Variants in FGGY observed in about 807,000 individuals in gnomAD.
The protein encoded by FGGY is FGGY carbohydrate kinase domain-containing protein.
FGGY carries 72 observed loss-of-function variants against 71.3 expected under a neutral mutation model. That is an observed-to-expected ratio of 1.01 (90% CI 0.84 to 1.23). FGGY has a LOEUF of 1.23. Ranked by LOEUF, FGGY falls within the 50% of genes most tolerant of loss-of-function variation. The pLI, the probability that FGGY is intolerant of heterozygous loss-of-function variation, is 0.00. For missense variants in FGGY, 668 were observed against 682.3 expected (o/e 0.98, Z 0.23); for synonymous variants, 251 against 250.3 (o/e 1.00, Z -0.02).
intron 14 of FGGY, among the ~76,000 whole-genome samples, chr1:59,706,008 T>G (rs1004197648): frequency 6.6e-6 from 1 of 152,146 alleles, no homozygotes; most frequent in Admixed American, 6.5e-5. Flanking sequence ...ACACCATTGC[T>G]CAATGCTGGA....
At chr1:59,476,437 A>G (rs1032744733) in intron 6 of FGGY, among the ~76,000 whole-genome samples, 4 of 152,232 alleles carry the variant, frequency 2.6e-5, no homozygotes, top group Non-Finnish European at 4.4e-5. Context: ...AATCAGAGAC[A>G]GGTCTGCTCC....
chr1:59,361,095 A>G (rs1255278439), intron 4 of FGGY, among the ~76,000 whole-genome samples: 2 of 152,222 alleles, frequency 1.3e-5, no homozygotes, highest in Non-Finnish European at 2.9e-5. Context: ...GTCCTTCACA[A>G]ATTTCTCAGA....
In FGGY at chr1:59,321,522, C is replaced by T; in HGVS notation, c.-14-14C>T. Reference sequence around the variant, plus strand: ...ACTTGGTCTTCATATGGTTTTTACACTTGCTTACTATAGGTGGAGGAACTG... The same window carrying T: ...ACTTGGTCTTCATATGGTTTTTACATTTGCTTACTATAGGTGGAGGAACTG... On this transcript the variant is annotated splice_polypyrimidine_tract_variant and intron_variant, in intron 1 of 15. Coordinates refer to ENST00000303721, the MANE Select transcript of FGGY (RefSeq NM_018291.5). 4 of 1,610,304 alleles carry T rather than the reference C, an allele frequency of 2.5e-6. No homozygotes were observed. Among genetic ancestry groups the T allele is most frequent in the Non-Finnish European group, 3.4e-6 (4 of 1,177,594 alleles).
intron 10 of FGGY, among the ~76,000 whole-genome samples, chr1:59,627,497 C>A (rs1419988566): frequency 7.3e-6 from 1 of 136,624 alleles, no homozygotes; most frequent in Non-Finnish European, 1.6e-5. Flanking sequence ...TATACACACA[C>A]ACACACACAC....
intron 1 of FGGY, chr1:59,310,034 A>C (rs561675099): frequency 2.0e-5 from 3 of 151,950 alleles, no homozygotes; most frequent in African/African-American, 7.2e-5. Context: ...GAATGGGCCA[A>C]AGACTTCAAC....
intron 7 of FGGY, among the ~76,000 whole-genome samples, chr1:59,547,097 C>T (rs1015649107): frequency 2.6e-5 from 4 of 151,740 alleles, no homozygotes; most frequent in Admixed American, 1.3e-4. Context: ...GGACTACAGG[C>T]GCGTGCCACC....
chr1:59,533,841 C>A (rs1158045138), intron 7 of FGGY, among the ~76,000 whole-genome samples: 1 of 152,196 alleles, frequency 6.6e-6, no homozygotes, highest in Non-Finnish European at 1.5e-5. Flanking sequence ...ACATCACCAT[C>A]ATCAAAGACC....
intron 4 of FGGY, among the ~76,000 whole-genome samples, chr1:59,373,342 C>A (rs972629680): frequency 6.6e-6 from 1 of 152,188 alleles, no homozygotes; most frequent in African/African-American, 2.4e-5. Flanking sequence ...AGGAATCCAG[C>A]TTACAAGGGA....
chr1:59,371,696 A>G (rs1000051155), intron 4 of FGGY, among the ~76,000 whole-genome samples: 5 of 152,312 alleles, frequency 3.3e-5, no homozygotes, highest in African/African-American at 1.2e-4. Context: ...AACAGAAATT[A>G]TAACAAACTG....
intron 5 of FGGY, among the ~76,000 whole-genome samples, chr1:59,428,244 C>G (rs533662248): frequency 1.3e-5 from 2 of 152,192 alleles, no homozygotes; most frequent in South Asian, 4.1e-4. Context: ...ATACTCACAA[C>G]CAGACTTTCA....
chr1:59,485,027 A>C (rs925678731), intron 6 of FGGY, among the ~76,000 whole-genome samples: 1 of 152,216 alleles, frequency 6.6e-6, no homozygotes, highest in African/African-American at 2.4e-5. Flanking sequence ...AAATAATTAA[A>C]GTAGAGGAGG....
intron 13 of FGGY, 121 bp downstream of exon 13, chr1:59,667,524 C>T (rs1049521696): frequency 4.8e-6 from 6 of 1,239,238 alleles, no homozygotes; most frequent in African/African-American, 1.5e-5. Flanking sequence ...TTAGAATAAT[C>T]CTGAAGTCTT....
At chr1:59,676,628 T>C (rs1026678317) in intron 14 of FGGY, among the ~76,000 whole-genome samples, 5 of 152,122 alleles carry the variant, frequency 3.3e-5, no homozygotes, top group Non-Finnish European at 2.9e-5. Flanking sequence ...CTTGACTACA[T>C]GAGATTTGCT....
intron 5 of FGGY, among the ~76,000 whole-genome samples, chr1:59,431,110 A>G (rs1257683110): frequency 6.6e-6 from 1 of 152,118 alleles, no homozygotes; most frequent in Admixed American, 6.5e-5. Context: ...GGGTCCAGTC[A>G]TCTTTGCCTT....
chr1:59,719,779 G>T (rs2100579156), intron 14 of FGGY, among the ~76,000 whole-genome samples: 1 of 152,220 alleles, frequency 6.6e-6, no homozygotes, highest in Admixed American at 6.5e-5. Flanking sequence ...ATTTAATATT[G>T]ATAAGGGCCT....
intron 7 of FGGY, among the ~76,000 whole-genome samples, chr1:59,543,662 G>A (rs2095479212): frequency 6.6e-6 from 1 of 152,200 alleles, no homozygotes; most frequent in African/African-American, 2.4e-5. Flanking sequence ...GGAGAGAGAA[G>A]AGAGCTAGCC....
chr1:59,634,161 C>T (rs1310683212), intron 10 of FGGY, among the ~76,000 whole-genome samples: 1 of 152,182 alleles, frequency 6.6e-6, no homozygotes, highest in Non-Finnish European at 1.5e-5. Flanking sequence ...AATCCCAGCA[C>T]TTTGAGAGGC....
At chr1:59,682,773 A>C (rs1341428328) in intron 14 of FGGY, among the ~76,000 whole-genome samples, 1 of 152,218 alleles carries the variant, frequency 6.6e-6, no homozygotes, top group Non-Finnish European at 1.5e-5. Flanking sequence ...GGAGACATTC[A>C]ACTGAGTCAC....
chr1:59,463,572 T>C (rs1310057725), intron 6 of FGGY, among the ~76,000 whole-genome samples: 4 of 151,520 alleles, frequency 2.6e-5, no homozygotes, highest in African/African-American at 4.9e-5. Flanking sequence ...CTGGCAAATA[T>C]GATAAAGAGT....
Sources: gnomAD v4.1 joint callset for allele counts (sites outside exome capture counted in the v4.1 genomes callset) on GRCh38, gnomAD v4.1.1 for gene constraint, MANE v1.5 for transcripts, NCBI Gene and HGNC (gene_info 2026-07-23, HGNC 2026-07-21) for gene names.